Variants in C1GALT1 observed in about 807,000 individuals in gnomAD.
The protein encoded by C1GALT1 is core 1 synthase, glycoprotein-N-acetylgalactosamine 3-beta-galactosyltransferase 1.
Under a neutral mutation model 31.0 loss-of-function variants are expected in C1GALT1, and 11 were observed. That is an observed-to-expected ratio of 0.36 (90% CI 0.22 to 0.59). The LOEUF (loss-of-function observed/expected upper bound fraction) is 0.59, where lower values mean the gene tolerates loss of function less well. Among genes scored for constraint, C1GALT1 ranks in the 20% least tolerant of loss-of-function variants. C1GALT1 has a pLI of 0.79. For missense variants in C1GALT1, 424 were observed against 425.2 expected (o/e 1.00, Z 0.03); for synonymous variants, 175 against 143.6 (o/e 1.22, Z -1.56).
At chr7:7,219,448 G>T (rs907344911) in intron 1 of C1GALT1, among the ~76,000 whole-genome samples, 1 of 152,148 alleles carries the variant, frequency 6.6e-6, no homozygotes, top group African/African-American at 2.4e-5. Context: ...GGGGCAGAGA[G>T]TATTGGGAAA....
upstream of C1GALT1, among the ~76,000 whole-genome samples, chr7:7,181,937 G>GC (rs1311204503): frequency 6.6e-6 from 1 of 152,098 alleles, no homozygotes; most frequent in East Asian, 1.9e-4. Context: ...GTTTTGTTAC[G>GC]CCCCTAAGAA....
intron 2 of C1GALT1, among the ~76,000 whole-genome samples, chr7:7,160,338 C>A (rs747798603): frequency 6.6e-6 from 1 of 152,112 alleles, no homozygotes; most frequent in Non-Finnish European, 1.5e-5. Flanking sequence ...TACCTCCAAC[C>A]CCTAATCCCT....
In C1GALT1 at chr7:7,190,921, C is replaced by T. The variant is rs573506216; in HGVS notation, c.-18+8101C>T. Among the ~76,000 whole-genome samples, 14 of 152,058 alleles carry T rather than the reference C, an allele frequency of 9.2e-5. No homozygotes were observed. In the East Asian group the frequency reaches 1.7e-3, roughly 19 times the overall value. ...GGATTACTTTACATACAGGTTAATTCGGAGGAAATCAACATCATTATCATT... is the reference window on the plus strand; with the variant it reads ...GGATTACTTTACATACAGGTTAATTTGGAGGAAATCAACATCATTATCATT... On this transcript the variant is annotated intron_variant, in intron 1 of 3. Coordinates refer to ENST00000436587, the MANE Select transcript of C1GALT1 (RefSeq NM_020156.5).
rs1477048150 is a variant in C1GALT1 at position 7,234,550 on chromosome 7, C to G, written c.220+11C>G. 1.9e-6 allele frequency: 3 copies of G among 1,580,812 alleles called. No homozygotes were observed. Among genetic ancestry groups the G allele is most frequent in the African/African-American group, 1.3e-5 (1 of 74,078 alleles). ...CTAGCCAACATAAAGGTATGGTTTA[C>G]TTTATTAAGCAGTAAACATAAGCAG... On this transcript the variant is annotated intron_variant, in intron 2 of 3. Coordinates refer to ENST00000436587, the MANE Select transcript of C1GALT1 (RefSeq NM_020156.5).
chr7:7,195,210 T>C (rs965922442), intron 1 of C1GALT1, among the ~76,000 whole-genome samples: 1 of 152,196 alleles, frequency 6.6e-6, no homozygotes, highest in African/African-American at 2.4e-5. Context: ...TTTCTTCTTC[T>C]GGATTTGGGT....
At position 7,238,410 on chromosome 7, in the gene C1GALT1, A is replaced by G; in HGVS notation, c.376A>G (p.Asn126Asp). 1 of 1,614,076 alleles carries G rather than the reference A, an allele frequency of 6.2e-7. No homozygotes were observed. The highest frequency in any genetic ancestry group is 8.5e-7 in the Non-Finnish European group (1 of 1,179,988). ...NKVLFMSSEE[N>D]KDFPAVGLKT... Reference sequence around the variant, plus strand: ...AGTGTTGTTTATGAGTTCAGAAGAAAATAAAGACTTCCCTGCTGTGGGACT... The same window carrying G: ...AGTGTTGTTTATGAGTTCAGAAGAAGATAAAGACTTCCCTGCTGTGGGACT... Residue 126 changes from asparagine (N) to aspartate (D), a missense_variant, in exon 3 of 4, where the codon AAT becomes GAT. Asn to Asp is a conservative substitution (Grantham distance 23). Around this residue, in one of 3 missense-constraint regions of C1GALT1, gnomAD observed 189 missense variants for 158.2 expected, o/e 1.19. Transcript: ENST00000436587. This position sits in a 1 kb window ranked among gnomAD's most constrained non-coding sequence, Gnocchi z 5.2.
At chr7:7,214,017 T>C (rs1782123721) in intron 1 of C1GALT1, among the ~76,000 whole-genome samples, 1 of 152,152 alleles carries the variant, frequency 6.6e-6, no homozygotes. Flanking sequence ...GTAGGGATGT[T>C]TCCTTATCTT....
intron 1 of C1GALT1, among the ~76,000 whole-genome samples, chr7:7,204,119 G>GTTTTTTTTT (rs1208079006): frequency 8.7e-6 from 1 of 115,196 alleles, no homozygotes; most frequent in Non-Finnish European, 1.9e-5. Context: ...TTGTTTTTTT[G>GTTTTTTTTT]TTTTTTTTTT....
At chr7:7,222,240 C>A (rs1782542789) in intron 1 of C1GALT1, among the ~76,000 whole-genome samples, 1 of 152,176 alleles carries the variant, frequency 6.6e-6, no homozygotes, top group Non-Finnish European at 1.5e-5. Context: ...TCTTTGGGTT[C>A]TGTTTGTCAG....
At chr7:7,213,105 G>T (rs916074174) in intron 1 of C1GALT1, among the ~76,000 whole-genome samples, 1 of 152,116 alleles carries the variant, frequency 6.6e-6, no homozygotes, top group African/African-American at 2.4e-5. Context: ...CTCTTGTTTT[G>T]CTTGATATTT....
At chr7:7,206,546 T>A (rs891635029) in intron 1 of C1GALT1, among the ~76,000 whole-genome samples, 18 of 151,854 alleles carry the variant, frequency 1.2e-4, no homozygotes, top group African/African-American at 3.6e-4. Flanking sequence ...TATGGTGGCA[T>A]ACTGCTGTAA....
intron 3 of C1GALT1, among the ~76,000 whole-genome samples, chr7:7,239,168 A>G (rs1426299571): frequency 6.6e-6 from 1 of 152,236 alleles, no homozygotes; most frequent in Non-Finnish European, 1.5e-5. Flanking sequence ...AGTAAATCAC[A>G]GCCAATTTCC....
intron 1 of C1GALT1, among the ~76,000 whole-genome samples, chr7:7,184,137 C>A (rs1054313821): frequency 6.6e-6 from 1 of 152,184 alleles, no homozygotes; most frequent in African/African-American, 2.4e-5. Flanking sequence ...GTATATAGTA[C>A]ACTATACTTT....
intron 1 of C1GALT1, among the ~76,000 whole-genome samples, chr7:7,229,487 A>G (rs981868478): frequency 6.6e-6 from 1 of 152,140 alleles, no homozygotes; most frequent in African/African-American, 2.4e-5. Flanking sequence ...TTCATATCAC[A>G]TACCTCTATT....
chr7:7,226,675 G>T (rs34634503), intron 1 of C1GALT1, among the ~76,000 whole-genome samples: 378 of 152,188 alleles, frequency 2.5e-3, no homozygotes, highest in Non-Finnish European at 3.9e-3. Flanking sequence ...ATGTGGCACC[G>T]ATTAGCGCCA....
intron 1 of C1GALT1, among the ~76,000 whole-genome samples, chr7:7,189,180 C>CT (rs567285273): frequency 9.2e-5 from 14 of 152,194 alleles, no homozygotes; most frequent in South Asian, 6.2e-4. Flanking sequence ...TGCTATGGCT[C>CT]TATCTTTTTT....
intron 2 of C1GALT1, among the ~76,000 whole-genome samples, chr7:7,174,320 C>T (rs987106862): frequency 6.6e-6 from 1 of 152,210 alleles, no homozygotes; most frequent in African/African-American, 2.4e-5. Context: ...AATAAAGCTG[C>T]TGTAAACATT....
At position 7,158,502 on chromosome 7, in the gene C1GALT1, A is replaced by G. The variant is rs1482888876; in HGVS notation, c.-18+1076A>G. 2.0e-5 allele frequency among the ~76,000 whole-genome samples: 3 copies of G among 151,882 alleles called. No homozygotes were observed. In the East Asian group the frequency reaches 5.8e-4, roughly 29 times the overall value. ...TTAATTTCCATATCTGAGTATAACGATTCCTATATAACATAGCTATTGTAA... is the reference window on the plus strand; with the variant it reads ...TTAATTTCCATATCTGAGTATAACGGTTCCTATATAACATAGCTATTGTAA... On this transcript the variant is annotated intron_variant, in intron 2 of 3. Coordinates refer to the C1GALT1 transcript ENST00000429911.
chr7:7,218,613 G>T (rs1466302542), intron 1 of C1GALT1, among the ~76,000 whole-genome samples: 1 of 152,112 alleles, frequency 6.6e-6, no homozygotes, highest in Non-Finnish European at 1.5e-5. Flanking sequence ...CTCATAAAAA[G>T]AATCATAGCA....
Sources: gnomAD v4.1 joint callset for allele counts (sites outside exome capture counted in the v4.1 genomes callset) on GRCh38, gnomAD v4.1.1 for gene constraint, gnomAD v4.1.1 regional missense constraint, Gnocchi (gnomAD v3.1) non-coding constraint, MANE v1.5 for transcripts, NCBI Gene and HGNC (gene_info 2026-07-23, HGNC 2026-07-21) for gene names.